Variants in DCLK1 observed in about 807,000 individuals in gnomAD.
DCLK1 encodes the protein doublecortin like kinase 1, also known as serine/threonine-protein kinase DCLK1.
A neutral mutation model predicts 86.2 loss-of-function variants in DCLK1; 16 were observed. The ratio of observed to expected loss-of-function variants is 0.19; its 90% CI spans 0.13 to 0.28. The LOEUF (loss-of-function observed/expected upper bound fraction) is 0.28, where lower values mean the gene tolerates loss of function less well. Ranked by LOEUF, DCLK1 falls within the 10% of genes least tolerant of loss-of-function variation. The probability of loss-of-function intolerance (pLI) is 1.00; values close to 1 mark genes in which losing one functional copy is unlikely to be tolerated. For synonymous variants in DCLK1, 369 were observed against 370.5 expected (o/e 1.00, Z 0.05); for missense variants, 590 against 940.2 (o/e 0.63, Z 4.87).
chr13:36,127,525 G>A lies in DCLK1; in HGVS notation c.-19-1369C>T, dbSNP rs867147363. Among the ~76,000 whole-genome samples the A allele has an allele frequency of 3.9e-5, 6 of 152,326 alleles. No homozygotes were observed. In the Middle Eastern group the frequency reaches 0.01, roughly 259 times the overall value. On this transcript the variant is annotated intron_variant, in intron 1 of 16. Coordinates refer to ENST00000360631, the MANE Select transcript of DCLK1 (RefSeq NM_001330071.2). ...ATTTCCTCAACCACAAAATGGGAAT[G>A]AGAACAGTACCTACCTCACAGTCAG...
At chr13:35,844,477 G>C (rs1280237709) in intron 6 of DCLK1, among the ~76,000 whole-genome samples, 5 of 152,174 alleles carry the variant, frequency 3.3e-5, no homozygotes, top group African/African-American at 1.2e-4. Context: ...TCTATAAATT[G>C]ATAATCTGAA....
At chr13:36,052,183 G>C (rs1013106334) in intron 3 of DCLK1, among the ~76,000 whole-genome samples, 2 of 152,108 alleles carry the variant, frequency 1.3e-5, no homozygotes, top group African/African-American at 4.8e-5. Flanking sequence ...TCATCACTGA[G>C]CTTATATGGT....
intron 2 of DCLK1, among the ~76,000 whole-genome samples, chr13:36,118,401 G>A (rs186117510): frequency 1.6e-4 from 25 of 152,226 alleles, no homozygotes; most frequent in African/African-American, 3.4e-4. Context: ...TGTGGGTTCC[G>A]AGGGAATATG....
chr13:35,942,167 A>AT lies in DCLK1; in HGVS notation c.823+5190dup, dbSNP rs548716235. Among the ~76,000 whole-genome samples the AT allele has an allele frequency of 1.2e-3, 172 of 148,430 alleles. 1 individual carries two copies. Among genetic ancestry groups the AT allele is most frequent in the Middle Eastern group, 3.4e-3 (1 of 292 alleles). ...ACGGCTTTAATGTTTTCTAAAGGAC[A>AT]TTTTTTTTTTGTTTTTTGAGACGGA... On this transcript the variant is annotated intron_variant, in intron 4 of 16. Coordinates refer to ENST00000360631, the MANE Select transcript of DCLK1 (RefSeq NM_001330071.2).
At chr13:36,033,299 A>G (rs1392674518) in intron 3 of DCLK1, among the ~76,000 whole-genome samples, 1 of 152,184 alleles carries the variant, frequency 6.6e-6, no homozygotes, top group Non-Finnish European at 1.5e-5. Context: ...GGGGAGGATC[A>G]CTGGACAGGA....
chr13:35,886,007 CTTTTTTTTT>C (rs10589320), intron 4 of DCLK1, among the ~76,000 whole-genome samples: 21 of 130,712 alleles, frequency 1.6e-4, no homozygotes, highest in Admixed American at 3.1e-4. Flanking sequence ...GAATAGGTTC[CTTTTTTTTT>C]TTTTTTTTTT....
chr13:36,070,604 T>A (rs901863995), intron 3 of DCLK1, among the ~76,000 whole-genome samples: 6 of 151,942 alleles, frequency 3.9e-5, no homozygotes, highest in African/African-American at 1.5e-4. Context: ...CCAGCTGTTA[T>A]GTATCATTTT....
intron 3 of DCLK1, among the ~76,000 whole-genome samples, chr13:36,023,161 A>G (rs1033359073): frequency 4.6e-5 from 7 of 152,218 alleles, no homozygotes; most frequent in Admixed American, 4.6e-4. Flanking sequence ...GGAGAGATAG[A>G]TAGATGTGCA....
intron 3 of DCLK1, among the ~76,000 whole-genome samples, chr13:36,075,489 T>C (rs1243716456): frequency 2.6e-5 from 4 of 152,204 alleles, no homozygotes; most frequent in Non-Finnish European, 5.9e-5. Context: ...ACCAACTGCC[T>C]TATAATTTAG....
intron 3 of DCLK1, among the ~76,000 whole-genome samples, chr13:36,086,452 C>CTTTTT (rs66864823): frequency 3.5e-5 from 5 of 141,110 alleles, no homozygotes; most frequent in Non-Finnish European, 1.5e-5. Flanking sequence ...TCCTCAACAG[C>CTTTTT]TTTTTTTTTT....
intron 3 of DCLK1, among the ~76,000 whole-genome samples, chr13:35,966,961 G>A (rs1298344033): frequency 4.0e-5 from 6 of 151,720 alleles, no homozygotes; most frequent in Admixed American, 6.6e-5. Flanking sequence ...CTGCCTGGCC[G>A]CCCATCGTCT....
rs866351839 is a variant in DCLK1, at chr13:35,885,963, C to T, written c.824-14623G>A. 2.3e-4 allele frequency among the ~76,000 whole-genome samples: 34 copies of T among 149,888 alleles called. No homozygotes were observed. In the Middle Eastern group the frequency reaches 0.014, roughly 63 times the overall value. ...GTAAAATTATAGTAGCAGAAGTTCT[C>T]TTAGACAGCAGGGAAAGCTGCTAGA... is the stretch of plus-strand genomic sequence containing the variant. On this transcript the variant is annotated intron_variant, in intron 4 of 16. Transcript: ENST00000360631.
At chr13:35,849,161 T>C in intron 6 of DCLK1, 1 of 985,342 alleles carries the variant, frequency 1.0e-6, no homozygotes, top group Non-Finnish European at 1.2e-6. Flanking sequence ...TTTTTCTTCT[T>C]CCTCTTCTTT....
intron 3 of DCLK1, among the ~76,000 whole-genome samples, chr13:35,954,289 G>A (rs533956490): frequency 1.3e-5 from 2 of 151,876 alleles, no homozygotes; most frequent in South Asian, 2.1e-4. Flanking sequence ...TGCACAATTC[G>A]TAATGTGACC....
At chr13:36,126,913 A>G (rs1886207670) in intron 1 of DCLK1, among the ~76,000 whole-genome samples, 1 of 152,266 alleles carries the variant, frequency 6.6e-6, no homozygotes, top group African/African-American at 2.4e-5. Flanking sequence ...TGCTCCAAGT[A>G]ATACAGTTGA....
At chr13:35,995,587 C>A (rs1018099917) in intron 3 of DCLK1, among the ~76,000 whole-genome samples, 3 of 152,290 alleles carry the variant, frequency 2.0e-5, no homozygotes, top group African/African-American at 7.2e-5. Context: ...TCTTCAGTTT[C>A]AATGATGATT....
At chr13:35,828,844 C>A (rs1868704801) in intron 8 of DCLK1, among the ~76,000 whole-genome samples, 1 of 152,100 alleles carries the variant, frequency 6.6e-6, no homozygotes, top group Non-Finnish European at 1.5e-5. Context: ...CCCAGGGCAC[C>A]TATGACAGTT....
intron 16 of DCLK1, among the ~76,000 whole-genome samples, chr13:35,780,940 G>A (rs991504085): frequency 2.0e-5 from 3 of 152,226 alleles, no homozygotes; most frequent in East Asian, 1.9e-4. Context: ...TTCCCATAAA[G>A]GATACATCTA....
At chr13:35,821,665 A>T (rs530772186) in intron 11 of DCLK1, among the ~76,000 whole-genome samples, 2 of 103,948 alleles carry the variant, frequency 1.9e-5, no homozygotes, top group African/African-American at 1.2e-4. Flanking sequence ...TATATATATA[A>T]ATATATGTAT....
Sources: allele counts gnomAD v4.1 joint callset (sites outside exome capture counted in the v4.1 genomes callset), GRCh38; gene constraint gnomAD v4.1.1; transcripts MANE v1.5; gene names NCBI Gene and HGNC (gene_info 2026-07-23, HGNC 2026-07-21).